The following MAN1C1 variants were observed in gnomAD, a reference collection of about 807,000 sequenced individuals.
MAN1C1 encodes the protein mannosidase alpha class 1C member 1.
In MAN1C1, 49 loss-of-function variants were observed where a neutral mutation model predicts 71.5. The observed-to-expected ratio is 0.69, with a 90% CI of 0.54 to 0.87. The LOEUF is 0.87. Ranked by LOEUF, MAN1C1 falls within the 40% of genes least tolerant of loss-of-function variation. MAN1C1 has a pLI of 0.00. For synonymous variants in MAN1C1, 352 were observed against 343.7 expected, an observed-to-expected ratio of 1.02 and a Z score of -0.27; for missense variants, 743 against 835.0, an observed-to-expected ratio of 0.89 and a Z score of 1.36.
intron 3 of MAN1C1, among the ~76,000 whole-genome samples, chr1:25,748,944 C>T (rs770691536): frequency 1.4e-4 from 22 of 152,236 alleles, no homozygotes; most frequent in Non-Finnish European, 2.8e-4. Context: ...AAGCTCCAGC[C>T]AGCAGCTCTC....
chr1:25,770,688 TTC>T (rs2124399348), intron 7 of MAN1C1, among the ~76,000 whole-genome samples: 1 of 152,158 alleles, frequency 6.6e-6, no homozygotes, highest in South Asian at 2.1e-4. Flanking sequence ...TGTTGACGTG[TTC>T]TCTCTTTCTG....
At chr1:25,739,366 G>C (rs1273174385) in intron 2 of MAN1C1, among the ~76,000 whole-genome samples, 1 of 152,166 alleles carries the variant, frequency 6.6e-6, no homozygotes, top group Admixed American at 6.5e-5. Flanking sequence ...CGTGTGTGTT[G>C]TTTCTTTACA....
intron 7 of MAN1C1, among the ~76,000 whole-genome samples, chr1:25,770,340 G>A (rs567051650): frequency 1.3e-5 from 2 of 152,376 alleles, no homozygotes; most frequent in East Asian, 3.9e-4. Flanking sequence ...ATCAGGGCTG[G>A]AGGGGGCCGG....
chr1:25,634,831 AT>A lies in MAN1C1; in HGVS notation c.540+16495del, dbSNP rs2045433770. Among the ~76,000 whole-genome samples the A allele has an allele frequency of 2.0e-5, 3 of 152,118 alleles. No homozygotes were observed. Among genetic ancestry groups the A allele is most frequent in the African/African-American group, 4.8e-5 (2 of 41,400 alleles). ...CGAGACTCTGTCTCAAAAAAAAATAATAATAAAATAAAATAAAAGAATGCTA... is the reference window on the plus strand; with the variant it reads ...CGAGACTCTGTCTCAAAAAAAAATAAAATAAAATAAAATAAAAGAATGCTA... On this transcript the variant is annotated intron_variant, in intron 1 of 11. Coordinates refer to ENST00000374332, the MANE Select transcript of MAN1C1 (RefSeq NM_020379.4). This position sits in a 1 kb window ranked among gnomAD's most constrained non-coding sequence, Gnocchi z 4.6.
At position 25,778,147 on chromosome 1, in the gene MAN1C1, A is replaced by T; in HGVS notation, c.1300A>T (p.Thr434Ser). ...GCTGAATGTCTCTCCCGGGGGGCTG[A>T]CCTACATTGCCGAGTGGCGAGGGGG... is the stretch of plus-strand genomic sequence containing the variant. Reference protein sequence around the residue: ...YLLNVSPGGLTYIAEWRGGIL... With the variant: ...YLLNVSPGGLSYIAEWRGGIL... The change falls in exon 9 of 12, where the codon ACC (threonine) becomes TCC (serine). Residue 434 changes from threonine to serine, a missense_variant. Coordinates refer to ENST00000374332, the MANE Select transcript of MAN1C1 (RefSeq NM_020379.4). This position sits in a 1 kb window ranked among gnomAD's most constrained non-coding sequence, Gnocchi z 5.5. 6.3e-7 allele frequency: 1 copy of T among 1,599,238 alleles called. No homozygotes were observed. Among genetic ancestry groups the T allele is most frequent in the Non-Finnish European group, 8.5e-7 (1 of 1,171,024 alleles).
chr1:25,655,688 A>G (rs940516504), intron 1 of MAN1C1, among the ~76,000 whole-genome samples: 2 of 152,100 alleles, frequency 1.3e-5, no homozygotes, highest in African/African-American at 4.8e-5. Flanking sequence ...GCCTCTAATT[A>G]GGGGTACTGA....
intron 1 of MAN1C1, among the ~76,000 whole-genome samples, chr1:25,673,251 G>C (rs1207758899): frequency 1.3e-5 from 2 of 152,192 alleles, no homozygotes; most frequent in Non-Finnish European, 2.9e-5. Flanking sequence ...ACTTAGTGGA[G>C]TATGCTGTGC....
intron 1 of MAN1C1, chr1:25,644,518 A>ATATTTTTTTTTTTTTTTTTTTT: frequency 2.5e-5 from 1 of 40,286 alleles, no homozygotes; most frequent in Non-Finnish European, 3.6e-5. Context: ...ATATATATAT[A>ATATTTTTTTTTTTTTTTTTTTT]TTTTTTTTTT....
At chr1:25,682,177 T>G (rs2046164408) in intron 1 of MAN1C1, among the ~76,000 whole-genome samples, 2 of 152,198 alleles carry the variant, frequency 1.3e-5, no homozygotes, top group African/African-American at 2.4e-5. Flanking sequence ...TTTTCCCAAC[T>G]TAGTCCTTAG....
intron 1 of MAN1C1, among the ~76,000 whole-genome samples, chr1:25,627,789 T>A (rs1291382479): frequency 2.0e-5 from 3 of 151,964 alleles, no homozygotes; most frequent in Non-Finnish European, 4.4e-5. Flanking sequence ...TCCCAGCATT[T>A]TGGGAGGCCA....
intron 7 of MAN1C1, among the ~76,000 whole-genome samples, chr1:25,768,013 A>C: frequency 1.0e-5 from 1 of 97,578 alleles, no homozygotes; most frequent in African/African-American, 4.1e-5. Context: ...CCCCACACAC[A>C]CAGACCCACA....
intron 5 of MAN1C1, among the ~76,000 whole-genome samples, chr1:25,757,096 C>T (rs374109446): frequency 6.6e-6 from 1 of 152,162 alleles, no homozygotes; most frequent in East Asian, 1.9e-4. Flanking sequence ...TCCCAGAAAC[C>T]ACATCCAGCC....
intron 1 of MAN1C1, among the ~76,000 whole-genome samples, chr1:25,669,617 T>TA (rs1351064420): frequency 6.6e-6 from 1 of 151,894 alleles, no homozygotes; most frequent in Non-Finnish European, 1.5e-5. Flanking sequence ...AAAAAAATTG[T>TA]AAAAATCAGC....
At chr1:25,693,500 G>A (rs1035495368) in intron 2 of MAN1C1, among the ~76,000 whole-genome samples, 1 of 152,114 alleles carries the variant, frequency 6.6e-6, no homozygotes, top group Non-Finnish European at 1.5e-5. Flanking sequence ...ACGTGGTGCC[G>A]CCCACCTGTA....
chr1:25,750,167 C>T (rs1045716173), intron 4 of MAN1C1, among the ~76,000 whole-genome samples: 1 of 152,216 alleles, frequency 6.6e-6, no homozygotes, highest in Non-Finnish European at 1.5e-5. Context: ...CCTCTTAGGA[C>T]ATGGGATAGG....
intron 4 of MAN1C1, among the ~76,000 whole-genome samples, chr1:25,751,141 G>A (rs1211444217): frequency 2.4e-5 from 3 of 126,168 alleles, no homozygotes; most frequent in African/African-American, 6.2e-5. Context: ...CCTTCCCTTC[G>A]TTCATCTTTC....
chr1:25,773,318 G>C (rs1441804487), intron 8 of MAN1C1, among the ~76,000 whole-genome samples: 1 of 152,230 alleles, frequency 6.6e-6, no homozygotes, highest in African/African-American at 2.4e-5. Context: ...TAGATGGTCT[G>C]TGACTACCCT....
intron 1 of MAN1C1, among the ~76,000 whole-genome samples, chr1:25,664,006 G>A (rs2045886171): frequency 6.6e-6 from 1 of 152,198 alleles, no homozygotes; most frequent in Non-Finnish European, 1.5e-5. Flanking sequence ...GGCTGGTAGG[G>A]TTCTTCTTGT....
At chr1:25,739,610 A>G (rs1206727072) in intron 2 of MAN1C1, among the ~76,000 whole-genome samples, 1 of 152,194 alleles carries the variant, frequency 6.6e-6, no homozygotes, top group African/African-American at 2.4e-5. Flanking sequence ...ACCGTGATCC[A>G]GGGAGGCAGG....
Sources: allele counts gnomAD v4.1 joint callset (sites outside exome capture counted in the v4.1 genomes callset), GRCh38; gene constraint gnomAD v4.1.1; non-coding constraint Gnocchi (gnomAD v3.1); transcripts MANE v1.5; gene names NCBI Gene and HGNC (gene_info 2026-07-23, HGNC 2026-07-21).